The following LRRC4C variants were observed in gnomAD, a reference collection of about 807,000 sequenced individuals.
LRRC4C encodes the protein leucine rich repeat containing 4C, also known as leucine-rich repeat-containing protein 4C.
A neutral mutation model predicts 33.6 loss-of-function variants in LRRC4C; 5 were observed. The ratio of observed to expected loss-of-function variants is 0.15; its 90% CI spans 0.08 to 0.31. The LOEUF is 0.31. LRRC4C is among the 10% of genes least tolerant of loss of function. The probability of loss-of-function intolerance (pLI) is 1.00; values close to 1 mark genes in which losing one functional copy is unlikely to be tolerated. For synonymous variants in LRRC4C, 329 were observed against 302.0 expected, an observed-to-expected ratio of 1.09 and a Z score of -0.93; for missense variants, 560 against 796.7, an observed-to-expected ratio of 0.70 and a Z score of 3.58.
intron 1 of LRRC4C, among the ~76,000 whole-genome samples, chr11:41,274,412 G>A (rs1949414173): frequency 6.6e-6 from 1 of 152,098 alleles, no homozygotes; most frequent in Non-Finnish European, 1.5e-5. Flanking sequence ...ACAAGGGTGG[G>A]AGCAGCAATG....
intron 2 of LRRC4C, among the ~76,000 whole-genome samples, chr11:40,659,804 G>C (rs1221631062): frequency 6.6e-6 from 1 of 152,176 alleles, no homozygotes; most frequent in Non-Finnish European, 1.5e-5. Flanking sequence ...TCTTCTGAGA[G>C]CTGTTCTGTC....
intron 3 of LRRC4C, among the ~76,000 whole-genome samples, chr11:40,607,709 G>C (rs1224572160): frequency 6.6e-6 from 1 of 152,060 alleles, no homozygotes; most frequent in African/African-American, 2.4e-5. Context: ...AGTACCCTAG[G>C]ACAAAAACCT....
intron 2 of LRRC4C, among the ~76,000 whole-genome samples, chr11:40,852,519 G>T (rs892298855): frequency 6.6e-6 from 1 of 152,096 alleles, no homozygotes; most frequent in African/African-American, 2.4e-5. Flanking sequence ...AATTGCAGAA[G>T]ATTTGATTTT....
intron 3 of LRRC4C, among the ~76,000 whole-genome samples, chr11:40,626,605 T>C (rs988086357): frequency 2.0e-5 from 3 of 152,168 alleles, no homozygotes; most frequent in African/African-American, 2.4e-5. Flanking sequence ...GCACCCAGCA[T>C]TGTGTGAGAA....
intron 1 of LRRC4C, among the ~76,000 whole-genome samples, chr11:41,359,185 TAG>T (rs200226443): frequency 0.015 from 2,321 of 151,868 alleles, 20 homozygotes; most frequent in Non-Finnish European, 0.021. Context: ...TGCCAGGAAT[TAG>T]AGAGAGGAAG....
At chr11:40,425,127 GAAA>G (rs35712776) in intron 3 of LRRC4C, among the ~76,000 whole-genome samples, 1 of 148,154 alleles carries the variant, frequency 6.7e-6, no homozygotes, top group African/African-American at 2.5e-5. Context: ...TCTTTGTGGG[GAAA>G]AAAAAAAAGA....
At chr11:41,029,108 C>G (rs186360464) in intron 1 of LRRC4C, among the ~76,000 whole-genome samples, 2 of 151,808 alleles carry the variant, frequency 1.3e-5, no homozygotes, top group African/African-American at 4.8e-5. Flanking sequence ...ACAGTTGATG[C>G]AAAAGCCTGT....
chr11:40,380,965 C>G (rs1039071352), intron 3 of LRRC4C, among the ~76,000 whole-genome samples: 5 of 152,160 alleles, frequency 3.3e-5, no homozygotes, highest in African/African-American at 9.7e-5. Flanking sequence ...ATGCGAGTCT[C>G]TGTGTGTGCA....
intron 1 of LRRC4C, among the ~76,000 whole-genome samples, chr11:41,215,319 C>G (rs1947012238): frequency 6.6e-6 from 1 of 151,616 alleles, no homozygotes; most frequent in South Asian, 2.1e-4. Context: ...GAAACCCTGC[C>G]TCTACTAAAA....
chr11:41,150,530 G>A (rs745904860), intron 1 of LRRC4C, among the ~76,000 whole-genome samples: 4 of 152,024 alleles, frequency 2.6e-5, no homozygotes, highest in Non-Finnish European at 5.9e-5. Flanking sequence ...GGTGGCTCAC[G>A]CCTGTAATCC....
chr11:41,133,786 C>T lies in LRRC4C; in HGVS notation c.-495-200063G>A, dbSNP rs140494901. 5.3e-5 allele frequency among the ~76,000 whole-genome samples: 8 copies of T among 152,268 alleles called. No individual in the cohort carries two copies. In the East Asian group the frequency reaches 1.4e-3, roughly 26 times the overall value. ...CATGCTACATAGCATCCTTATCTTA[C>T]CTTAAAGCATTCTTTTCTGCAGATT... On this transcript the variant is annotated intron_variant, in intron 1 of 6. Transcript: ENST00000528697.
At chr11:40,477,862 A>G (rs916989692) in intron 3 of LRRC4C, among the ~76,000 whole-genome samples, 1 of 152,174 alleles carries the variant, frequency 6.6e-6, no homozygotes. Context: ...TGTAGCTCCC[A>G]TAATTCCCAC....
At chr11:41,438,565 C>A (rs1028378238) in intron 1 of LRRC4C, among the ~76,000 whole-genome samples, 5 of 152,098 alleles carry the variant, frequency 3.3e-5, no homozygotes, top group African/African-American at 1.2e-4. Flanking sequence ...TCAGGGTATA[C>A]TATCCCTGGA....
intron 1 of LRRC4C, among the ~76,000 whole-genome samples, chr11:41,336,911 G>A (rs1232422742): frequency 2.0e-5 from 3 of 151,942 alleles, no homozygotes; most frequent in African/African-American, 7.3e-5. Flanking sequence ...AAACACATCA[G>A]ACACAGAGAA....
chr11:40,501,726 TG>T (rs1425859551), intron 3 of LRRC4C, among the ~76,000 whole-genome samples: 5 of 152,124 alleles, frequency 3.3e-5, no homozygotes, highest in African/African-American at 1.2e-4. Context: ...CCTCTGGGTC[TG>T]TGATGGGAGG....
chr11:41,287,653 G>A (rs948884028), intron 1 of LRRC4C, among the ~76,000 whole-genome samples: 1 of 152,098 alleles, frequency 6.6e-6, no homozygotes, highest in Non-Finnish European at 1.5e-5. Context: ...TACACAAGCT[G>A]ATAAAACAGA....
intron 3 of LRRC4C, among the ~76,000 whole-genome samples, chr11:40,437,760 T>G (rs535500989): frequency 6.6e-6 from 1 of 152,148 alleles, no homozygotes. Context: ...CAGGCTGGAG[T>G]GCAGTGGCAC....
rs80351114 is a variant in LRRC4C at position 40,306,501 on chromosome 11, C to A, written c.-176+13127G>T. Among the ~76,000 whole-genome samples the A allele has an allele frequency of 7.5e-3, 1,146 of 152,282 alleles. 10 individuals carry two copies. The highest frequency in any genetic ancestry group is 0.026 in the African/African-American group (1,074 of 41,558). On this transcript the variant is annotated intron_variant, in intron 4 of 6. Coordinates refer to ENST00000528697, the MANE Select transcript of LRRC4C (RefSeq NM_001258419.2). ...CCAGGTTCTTTCATTCTCACATGGA[C>A]AAAGTGTATGGCATGTGTCCCTTCC...
intron 3 of LRRC4C, among the ~76,000 whole-genome samples, chr11:40,573,497 T>C (rs1958063767): frequency 6.6e-6 from 1 of 152,192 alleles, no homozygotes; most frequent in South Asian, 2.1e-4. Context: ...TCTTAAATAA[T>C]AACTGTTTCT....
Sources: allele counts gnomAD v4.1 joint callset (sites outside exome capture counted in the v4.1 genomes callset), GRCh38; gene constraint gnomAD v4.1.1; transcripts MANE v1.5; gene names NCBI Gene and HGNC (gene_info 2026-07-23, HGNC 2026-07-21).